The following CCDC171 variants were observed in gnomAD, a reference collection of about 807,000 sequenced individuals.
CCDC171 encodes coiled-coil domain-containing protein 171.
A neutral mutation model predicts 168.2 loss-of-function variants in CCDC171; 177 were observed. The observed-to-expected ratio is 1.05, with a 90% CI of 0.93 to 1.19. CCDC171 has a LOEUF of 1.19. Ranked by LOEUF, CCDC171 falls within the 50% of genes most tolerant of loss-of-function variation. The pLI, the probability that CCDC171 is intolerant of heterozygous loss-of-function variation, is 0.00. For synonymous variants in CCDC171, 687 were observed against 540.8 expected, an observed-to-expected ratio of 1.27 and a Z score of -3.75; for missense variants, 1,991 against 1,539.0, an observed-to-expected ratio of 1.29 and a Z score of -4.91.
At chr9:16,029,084 C>T (rs1489607275) in intron 6 of CCDC171, among the ~76,000 whole-genome samples, 3 of 151,980 alleles carry the variant, frequency 2.0e-5, no homozygotes, top group Admixed American at 6.6e-5. Flanking sequence ...AGACGGCAGG[C>T]GCTGGGTCGA....
chr9:15,744,790 C>A lies in CCDC171; in HGVS notation c.2554+13C>A. On this transcript the variant is annotated intron_variant, in intron 17 of 25. Coordinates refer to ENST00000380701, the MANE Select transcript of CCDC171 (RefSeq NM_173550.4). The stretch of plus-strand genomic sequence containing the variant: ...CATAAATTTCCAAGTAAGATAATTT[C>A]TGCTTTTAAAAATATAAGTTGCATG... 1 of 1,601,012 alleles carries A rather than the reference C, an allele frequency of 6.2e-7. No homozygotes were observed. The highest frequency in any genetic ancestry group is 8.5e-7 in the Non-Finnish European group (1 of 1,174,004).
chr9:15,940,050 A>C (rs1454091052), intron 25 of CCDC171, among the ~76,000 whole-genome samples: 3 of 151,770 alleles, frequency 2.0e-5, no homozygotes, highest in Non-Finnish European at 2.9e-5. Flanking sequence ...CAATGCGTAC[A>C]CTCTTTTTGG....
chr9:16,082,960 T>G, the CCDC171 span, among the ~76,000 whole-genome samples: 1 of 152,234 alleles, frequency 6.6e-6, no homozygotes, highest in Admixed American at 6.5e-5. Flanking sequence ...CAAATTTTGC[T>G]GTGGACTTTC....
rs192857827 is a variant in CCDC171 at position 15,723,666 on chromosome 9, A to G, written c.1426-15A>G. On this transcript the variant is annotated splice_polypyrimidine_tract_variant and intron_variant, in intron 12 of 25. Transcript: ENST00000380701. ...TATTTTCTTTCATCAGCTAAACAGC[A>G]TGAATGATGTTAAGGAAAAGGCATG... 4.8e-3 allele frequency: 7,546 copies of G among 1,583,074 alleles called. 30 individuals are homozygous for G. The highest frequency in any genetic ancestry group is 5.7e-3 in the Non-Finnish European group (6,639 of 1,161,074).
At chr9:16,049,083 G>C (rs889613766) in intron 1 of CCDC171, among the ~76,000 whole-genome samples, 1 of 151,888 alleles carries the variant, frequency 6.6e-6, no homozygotes, top group Non-Finnish European at 1.5e-5. Flanking sequence ...TCAGAAAATC[G>C]CAATCCCAAC....
At chr9:15,600,676 C>T (rs1300474677) in intron 6 of CCDC171, among the ~76,000 whole-genome samples, 1 of 152,196 alleles carries the variant, frequency 6.6e-6, no homozygotes, top group East Asian at 1.9e-4. Flanking sequence ...CAGACAGGGA[C>T]ATTTAAGTCT....
At chr9:15,618,320 A>C (rs570572666) in intron 6 of CCDC171, among the ~76,000 whole-genome samples, 49 of 152,304 alleles carry the variant, frequency 3.2e-4, no homozygotes, top group African/African-American at 1.1e-3. Context: ...TAGCACTATC[A>C]GGAGAAAACC....
Position 15,811,648 on chromosome 9 carries a change from AT to A in CCDC171, c.3267+26961del, listed in dbSNP as rs1016647168. On this transcript the variant is annotated intron_variant, in intron 21 of 25. Transcript: ENST00000380701. ...AATTTAGTTACTGTTTCTACTAATG[AT>A]TTTTTTCTTGAGTCCTGTCTTACAT... is the stretch of plus-strand genomic sequence containing the variant. Among the ~76,000 whole-genome samples the A allele has an allele frequency of 5.9e-5, 9 of 152,156 alleles. No individual in the cohort carries two copies. The South Asian group carries it at 1.9e-3, about 32-fold the overall frequency.
upstream of CCDC171, chr9:15,552,996 G>A (rs1414579959): frequency 1.3e-5 from 2 of 152,742 alleles, no homozygotes; most frequent in East Asian, 1.9e-4. Context: ...AGGGCTGCGG[G>A]AGGCGGGAGG....
At chr9:15,770,312 C>G (rs1185284747) in intron 18 of CCDC171, among the ~76,000 whole-genome samples, 2 of 152,256 alleles carry the variant, frequency 1.3e-5, no homozygotes, top group South Asian at 4.1e-4. Context: ...CTATCTTTAT[C>G]TATATTTGAA....
intron 25 of CCDC171, among the ~76,000 whole-genome samples, chr9:15,934,389 C>A (rs376503741): frequency 5.4e-3 from 618 of 114,004 alleles, no homozygotes; most frequent in African/African-American, 9.7e-3. Flanking sequence ...GACCCTGTCT[C>A]AAAAAAAAAA....
chr9:16,020,527 A>G (rs1472380054), intron 3 of CCDC171: 1 of 154,428 alleles, frequency 6.5e-6, no homozygotes, highest in Non-Finnish European at 1.5e-5. Context: ...AGTGGAAAGC[A>G]TCCACTTTTT....
chr9:16,051,960 C>T (rs1272287316), intron 1 of CCDC171, among the ~76,000 whole-genome samples: 1 of 152,154 alleles, frequency 6.6e-6, no homozygotes, highest in East Asian at 1.9e-4. Flanking sequence ...GAGAACTCCC[C>T]TTTATAAAAC....
chr9:15,761,869 C>T (rs192624783), intron 18 of CCDC171, among the ~76,000 whole-genome samples: 3 of 130,318 alleles, frequency 2.3e-5, no homozygotes, highest in Non-Finnish European at 5.2e-5. Flanking sequence ...AAAGTATAAG[C>T]ATGTAGAAAA....
chr9:15,556,590 T>A (rs2038819141), intron 1 of CCDC171, among the ~76,000 whole-genome samples: 1 of 152,160 alleles, frequency 6.6e-6, no homozygotes, highest in Non-Finnish European at 1.5e-5. Context: ...TGGGGTTGTT[T>A]GATTTTTTCT....
intron 1 of CCDC171, among the ~76,000 whole-genome samples, chr9:15,558,840 G>C (rs1469577516): frequency 6.6e-6 from 1 of 152,072 alleles, no homozygotes. Context: ...ATCAATTTTA[G>C]ATCTTTCCTG....
chr9:16,060,294 A>G (rs918288407), intron 1 of CCDC171, among the ~76,000 whole-genome samples: 13 of 152,108 alleles, frequency 8.5e-5, no homozygotes, highest in African/African-American at 3.1e-4. Context: ...GCCATTTCTG[A>G]GTGGAGGTGA....
At chr9:15,881,915 T>TA (rs776227838) in intron 24 of CCDC171, among the ~76,000 whole-genome samples, 1 of 152,272 alleles carries the variant, frequency 6.6e-6, no homozygotes, top group East Asian at 1.9e-4. Context: ...AAAATAGGAG[T>TA]ACAGATGCCT....
chr9:15,610,683 G>T (rs901673645), intron 6 of CCDC171, among the ~76,000 whole-genome samples: 1 of 150,772 alleles, frequency 6.6e-6, no homozygotes, highest in African/African-American at 2.4e-5. Context: ...TCAGCCTCTC[G>T]AATACCTGGG....
Sources: allele counts gnomAD v4.1 joint callset (sites outside exome capture counted in the v4.1 genomes callset), GRCh38; gene constraint gnomAD v4.1.1; transcripts MANE v1.5; gene names NCBI Gene and HGNC (gene_info 2026-07-23, HGNC 2026-07-21).